RAB3C: variants seen among roughly 807,000 people sequenced by gnomAD.
RAB3C encodes the protein RAB3C, member RAS oncogene family.
In RAB3C, 17 loss-of-function variants were observed where a neutral mutation model predicts 26.4. That is an observed-to-expected ratio of 0.64 (90% CI 0.44 to 0.97). The LOEUF (loss-of-function observed/expected upper bound fraction) is 0.97, where lower values mean the gene tolerates loss of function less well. Ranked by LOEUF, RAB3C falls within the 50% of genes least tolerant of loss-of-function variation. RAB3C has a pLI of 0.00. For missense variants in RAB3C, 242 were observed against 281.9 expected, an observed-to-expected ratio of 0.86 and a Z score of 1.01; for synonymous variants, 91 against 95.9, an observed-to-expected ratio of 0.95 and a Z score of 0.30.
intron 4 of RAB3C, among the ~76,000 whole-genome samples, chr5:58,842,008 T>C (rs929894962): frequency 4.6e-5 from 7 of 152,306 alleles, no homozygotes; most frequent in South Asian, 2.1e-4. Flanking sequence ...ATGCTCTTTA[T>C]TGGGATACAG....
At chr5:58,795,878 G>A (rs1015620608) in intron 3 of RAB3C, among the ~76,000 whole-genome samples, 17 of 152,282 alleles carry the variant, frequency 1.1e-4, no homozygotes, top group African/African-American at 3.6e-4. Context: ...GGCAGTGGCT[G>A]TGTAGATGGG....
At chr5:58,671,831 C>T (rs1748124231) in intron 2 of RAB3C, among the ~76,000 whole-genome samples, 1 of 152,124 alleles carries the variant, frequency 6.6e-6, no homozygotes, top group Non-Finnish European at 1.5e-5. Context: ...TAGCAAAATA[C>T]AAGTTTATTT....
At position 58,766,324 on chromosome 5, in the gene RAB3C, G is replaced by A. The variant is rs144405286; in HGVS notation, c.371+40204G>A. Among the ~76,000 whole-genome samples, 903 of 152,036 alleles carry A rather than the reference G, an allele frequency of 5.9e-3. 12 individuals are homozygous for A. The highest frequency in any genetic ancestry group is 0.01 in the Middle Eastern group (3 of 294). On this transcript the variant is annotated intron_variant, in intron 3 of 4. Transcript: ENST00000282878. ...GTAGAGATGGGGTTTCACCATCTTG[G>A]CCAAGCTGTTCTTGAACTCCTGACC... is the stretch of plus-strand genomic sequence containing the variant.
intron 2 of RAB3C, among the ~76,000 whole-genome samples, chr5:58,659,792 T>A (rs1747860673): frequency 6.6e-6 from 1 of 152,164 alleles, no homozygotes; most frequent in Non-Finnish European, 1.5e-5. Context: ...CTTATGATGA[T>A]CCCTTTTTTT....
At chr5:58,671,473 A>G (rs1336793686) in intron 2 of RAB3C, among the ~76,000 whole-genome samples, 1 of 152,158 alleles carries the variant, frequency 6.6e-6, no homozygotes, top group East Asian at 1.9e-4. Flanking sequence ...CAACTTGCGT[A>G]TTTTCCAGTG....
intron 3 of RAB3C, among the ~76,000 whole-genome samples, chr5:58,807,090 A>G (rs1742957563): frequency 6.6e-6 from 1 of 152,246 alleles, no homozygotes. Flanking sequence ...GAATGGGAAA[A>G]TAAAAATAAC....
chr5:58,738,036 A>G (rs79706450), intron 3 of RAB3C, among the ~76,000 whole-genome samples: 1,764 of 152,320 alleles, frequency 0.012, 37 homozygotes, highest in African/African-American at 0.038. Flanking sequence ...GTTAGTGCCA[A>G]TGAAGTACAG....
chr5:58,727,160 A>G (rs1305162660), intron 3 of RAB3C, among the ~76,000 whole-genome samples: 2 of 151,968 alleles, frequency 1.3e-5, no homozygotes, highest in African/African-American at 4.8e-5. Flanking sequence ...ATTATCCAAA[A>G]TGATTTTTAC....
chr5:58,611,855 T>A (rs184691503), intron 1 of RAB3C, among the ~76,000 whole-genome samples: 1 of 152,150 alleles, frequency 6.6e-6, no homozygotes, highest in South Asian at 2.1e-4. Context: ...CCAGGGTTTT[T>A]ATAGTTGTGT....
intron 4 of RAB3C, among the ~76,000 whole-genome samples, chr5:58,838,220 A>T (rs1743792125): frequency 6.6e-6 from 1 of 152,068 alleles, no homozygotes; most frequent in Non-Finnish European, 1.5e-5. Context: ...CTCTACTAAA[A>T]ATACAAAAAA....
chr5:58,679,165 A>G (rs2111837401), intron 2 of RAB3C, among the ~76,000 whole-genome samples: 1 of 152,330 alleles, frequency 6.6e-6, no homozygotes, highest in African/African-American at 2.4e-5. Context: ...AACAGTGAGG[A>G]AAATTTTGAA....
intron 3 of RAB3C, among the ~76,000 whole-genome samples, chr5:58,745,993 C>A (rs1256392478): frequency 6.6e-6 from 1 of 152,088 alleles, no homozygotes; most frequent in Non-Finnish European, 1.5e-5. Context: ...ACAGGGTTTT[C>A]TTCTTATCTA....
chr5:58,597,183 A>AATATATAATATAATATATACTACACAAT (rs1407463937), intron 1 of RAB3C, among the ~76,000 whole-genome samples: 1 of 91,698 alleles, frequency 1.1e-5, no homozygotes, highest in African/African-American at 4.8e-5. Context: ...TATACTACAT[A>AATATATAATATAATATATACTACACAAT]ATATATTATA....
intron 2 of RAB3C, among the ~76,000 whole-genome samples, chr5:58,675,239 T>C (rs1279580821): frequency 1.3e-5 from 2 of 152,042 alleles, no homozygotes; most frequent in Non-Finnish European, 2.9e-5. Context: ...CATTGAGACA[T>C]GGCATTGAAT....
At chr5:58,759,826 T>G (rs962976918) in intron 3 of RAB3C, among the ~76,000 whole-genome samples, 2 of 152,214 alleles carry the variant, frequency 1.3e-5, no homozygotes, top group African/African-American at 4.8e-5. Context: ...AAATTTAGCA[T>G]CATGGGTATT....
chr5:58,589,738 A>G (rs993021400), intron 1 of RAB3C, among the ~76,000 whole-genome samples: 3 of 152,182 alleles, frequency 2.0e-5, no homozygotes, highest in Non-Finnish European at 4.4e-5. Context: ...CTCCGCAGGT[A>G]TAATTAATAT....
At chr5:58,754,608 G>A (rs183832664) in intron 3 of RAB3C, among the ~76,000 whole-genome samples, 8 of 152,250 alleles carry the variant, frequency 5.3e-5, no homozygotes, top group South Asian at 4.1e-4. Context: ...CCCAGTTACC[G>A]CAGACCAAGT....
At chr5:58,824,725 T>G (rs1266546287) in intron 3 of RAB3C, among the ~76,000 whole-genome samples, 3 of 152,182 alleles carry the variant, frequency 2.0e-5, no homozygotes, top group African/African-American at 4.8e-5. Context: ...TGGTTGGCTA[T>G]CCTACTGTAA....
chr5:58,693,340 A>ATGTG (rs1182895406), intron 2 of RAB3C, among the ~76,000 whole-genome samples: 3 of 73,064 alleles, frequency 4.1e-5, no homozygotes, highest in African/African-American at 1.6e-4. Context: ...ATATGTGTAT[A>ATGTG]TATATATATA....
Sources: gnomAD v4.1 joint callset for allele counts (sites outside exome capture counted in the v4.1 genomes callset) on GRCh38, gnomAD v4.1.1 for gene constraint, MANE v1.5 for transcripts, NCBI Gene and HGNC (gene_info 2026-07-23, HGNC 2026-07-21) for gene names.